Variants in NALF1 observed in about 807,000 individuals in gnomAD.
The protein encoded by NALF1 is family with sequence similarity 155 member A.
A neutral mutation model predicts 48.4 loss-of-function variants in NALF1; 3 were observed. The ratio of observed to expected loss-of-function variants is 0.06; its 90% CI spans 0.03 to 0.16. The LOEUF is 0.16. Ranked by LOEUF, NALF1 falls within the 10% of genes least tolerant of loss-of-function variation. NALF1 has a pLI of 1.00. For missense variants in NALF1, 526 were observed against 571.5 expected (o/e 0.92, Z 0.81); for synonymous variants, 262 against 245.7 (o/e 1.07, Z -0.62).
At chr13:107,379,449 C>T (rs939200221) in intron 1 of NALF1, among the ~76,000 whole-genome samples, 1 of 152,062 alleles carries the variant, frequency 6.6e-6, no homozygotes, top group African/African-American at 2.4e-5. Flanking sequence ...AGGATGTTTC[C>T]TACCCTTTAC....
chr13:107,673,405 G>A (rs1034300642), intron 1 of NALF1, among the ~76,000 whole-genome samples: 7 of 152,124 alleles, frequency 4.6e-5, no homozygotes, highest in Non-Finnish European at 1.0e-4. Context: ...GGGCTGTTGT[G>A]TTTACCACAG....
chr13:107,551,169 G>T (rs1877281610), intron 1 of NALF1, among the ~76,000 whole-genome samples: 1 of 152,060 alleles, frequency 6.6e-6, no homozygotes, highest in African/African-American at 2.4e-5. Context: ...TGCACTTCTT[G>T]TGACGTCTCT....
rs1038214554 is a variant in NALF1 at position 107,587,997 on chromosome 13, T to C, written c.915+277685A>G. Among the ~76,000 whole-genome samples the C allele has an allele frequency of 5.9e-5, 9 of 152,244 alleles. No homozygotes were observed. The South Asian group carries it at 1.9e-3, about 32-fold the overall frequency. The stretch of plus-strand genomic sequence containing the variant: ...TGAACGACTGGCCAGCTTATGAATA[T>C]TCTCTTGCTTACTTTACCAAGAGAC... On this transcript the variant is annotated intron_variant, in intron 1 of 2. Coordinates refer to ENST00000375915, the MANE Select transcript of NALF1 (RefSeq NM_001080396.3).
chr13:107,444,881 T>A (rs1884621635), intron 1 of NALF1, among the ~76,000 whole-genome samples: 1 of 152,206 alleles, frequency 6.6e-6, no homozygotes. Context: ...ATTTTCCCAA[T>A]CTTACTTCAT....
Position 107,866,058 on chromosome 13 carries a change from T to C in NALF1, c.539A>G (p.Gln180Arg). 1 of 1,612,822 alleles carries C rather than the reference T, an allele frequency of 6.2e-7. No individual in the cohort carries two copies. The change falls in exon 1 of 3, where the codon CAG becomes CGG. Residue 180 changes from glutamine to arginine, a missense_variant. Physicochemically the swap from Gln to Arg is conservative, Grantham distance 43. Coordinates refer to ENST00000375915, the MANE Select transcript of NALF1 (RefSeq NM_001080396.3). This position sits in a 1 kb window ranked among gnomAD's most constrained non-coding sequence, Gnocchi z 4.4. ...TCYPQGASSG[Q>R]CFTVENADAV... Reference sequence around the variant, plus strand: ...GTCCGCATTCTCCACCGTGAAGCACTGGCCCGAGGACGCGCCCTGGGGGTA... The same window carrying C: ...GTCCGCATTCTCCACCGTGAAGCACCGGCCCGAGGACGCGCCCTGGGGGTA...
At chr13:107,432,543 G>A (rs535591983) in intron 1 of NALF1, among the ~76,000 whole-genome samples, 4 of 152,198 alleles carry the variant, frequency 2.6e-5, no homozygotes, top group South Asian at 2.1e-4. Flanking sequence ...CTGCTTCCCC[G>A]GGTGATTGAA....
chr13:107,351,966 A>G (rs1252378073), intron 1 of NALF1, among the ~76,000 whole-genome samples: 1 of 152,208 alleles, frequency 6.6e-6, no homozygotes, highest in East Asian at 1.9e-4. Context: ...TTGGCTAAGT[A>G]CCGTATCAAC....
At chr13:107,350,936 G>A (rs1882861864) in intron 1 of NALF1, among the ~76,000 whole-genome samples, 1 of 152,188 alleles carries the variant, frequency 6.6e-6, no homozygotes, top group Non-Finnish European at 1.5e-5. Flanking sequence ...ACTGGGGTAT[G>A]ACAACTACCA....
At chr13:107,270,060 G>A (rs541609326) in intron 1 of NALF1, among the ~76,000 whole-genome samples, 4 of 151,210 alleles carry the variant, frequency 2.6e-5, no homozygotes, top group African/African-American at 4.9e-5. Flanking sequence ...GTGAGCCACC[G>A]CGCCTGGCCA....
At chr13:107,696,987 G>C (rs1211625957) in intron 1 of NALF1, among the ~76,000 whole-genome samples, 1 of 151,758 alleles carries the variant, frequency 6.6e-6, no homozygotes, top group Non-Finnish European at 1.5e-5. Context: ...CCTATAACCT[G>C]TTTTTTTATT....
At chr13:107,522,033 C>T (rs984511342) in intron 1 of NALF1, among the ~76,000 whole-genome samples, 11 of 151,872 alleles carry the variant, frequency 7.2e-5, no homozygotes, top group South Asian at 2.1e-4. Context: ...TTAAGGGATA[C>T]GATTTTCCAG....
intron 1 of NALF1, among the ~76,000 whole-genome samples, chr13:107,791,454 A>G (rs564487014): frequency 6.6e-6 from 1 of 152,288 alleles, no homozygotes; most frequent in South Asian, 2.1e-4. Flanking sequence ...GCTTTTGTCA[A>G]GTTTTCCACA....
chr13:107,214,382 T>C (rs1391800503), intron 1 of NALF1, among the ~76,000 whole-genome samples: 1 of 152,250 alleles, frequency 6.6e-6, no homozygotes, highest in African/African-American at 2.4e-5. Context: ...TTTTTTATAA[T>C]GGCTTGGCCT....
intron 1 of NALF1, among the ~76,000 whole-genome samples, chr13:107,411,648 C>G (rs1296617455): frequency 6.6e-6 from 1 of 152,138 alleles, no homozygotes; most frequent in Admixed American, 6.6e-5. Flanking sequence ...CAGATATTTA[C>G]AAATAACTCC....
At chr13:107,696,718 G>A (rs745354456) in intron 1 of NALF1, among the ~76,000 whole-genome samples, 9 of 152,222 alleles carry the variant, frequency 5.9e-5, no homozygotes, top group South Asian at 2.1e-4. Flanking sequence ...TACACAAAAC[G>A]CTTAATAAAT....
chr13:107,461,941 A>G (rs538386607), intron 1 of NALF1, among the ~76,000 whole-genome samples: 21 of 152,216 alleles, frequency 1.4e-4, no homozygotes, highest in Non-Finnish European at 2.9e-4. Context: ...GCCCTTCTCA[A>G]TCATCTCAAA....
intron 1 of NALF1, among the ~76,000 whole-genome samples, chr13:107,556,040 T>C (rs924674493): frequency 3.3e-5 from 5 of 152,088 alleles, no homozygotes; most frequent in African/African-American, 1.2e-4. Flanking sequence ...TTTAAGTCTA[T>C]GAATGTATTA....
intron 1 of NALF1, among the ~76,000 whole-genome samples, chr13:107,366,410 C>T (rs552108426): frequency 1.3e-5 from 2 of 152,230 alleles, no homozygotes; most frequent in Admixed American, 6.5e-5. Context: ...TGAAATTCTC[C>T]AGTGCAAAGC....
chr13:107,863,491 A>C (rs917100167), intron 1 of NALF1, among the ~76,000 whole-genome samples: 1 of 152,210 alleles, frequency 6.6e-6, no homozygotes, highest in Non-Finnish European at 1.5e-5. Context: ...ACAAGAAACC[A>C]CAACAAAAAA....
Sources: allele counts gnomAD v4.1 joint callset (sites outside exome capture counted in the v4.1 genomes callset), GRCh38; gene constraint gnomAD v4.1.1; non-coding constraint Gnocchi (gnomAD v3.1); transcripts MANE v1.5; gene names NCBI Gene and HGNC (gene_info 2026-07-23, HGNC 2026-07-21).